Variants in MACROD2 observed in about 807,000 individuals in gnomAD.
MACROD2 encodes ADP-ribose glycohydrolase MACROD2.
In MACROD2, 36 loss-of-function variants were observed where a neutral mutation model predicts 70.4. The observed-to-expected ratio is 0.51, with a 90% confidence interval of 0.39 to 0.68. The LOEUF (loss-of-function observed/expected upper bound fraction) is 0.68, where lower values mean the gene tolerates loss of function less well. MACROD2 is among the 30% of genes least tolerant of loss of function. The pLI, the probability that MACROD2 is intolerant of heterozygous loss-of-function variation, is 0.00. For synonymous variants in MACROD2, 172 were observed against 178.8 expected, an observed-to-expected ratio of 0.96 and a Z score of 0.30; for missense variants, 496 against 538.4, an observed-to-expected ratio of 0.92 and a Z score of 0.78.
At chr20:14,491,602 A>C in intron 3 of MACROD2, among the ~76,000 whole-genome samples, 1 of 152,108 alleles carries the variant, frequency 6.6e-6, no homozygotes, top group East Asian at 1.9e-4. Context: ...TCTTACACCT[A>C]CCCATCCACC....
chr20:15,997,836 T>A (rs1466402903), intron 15 of MACROD2, among the ~76,000 whole-genome samples: 1 of 152,182 alleles, frequency 6.6e-6, no homozygotes, highest in African/African-American at 2.4e-5. Flanking sequence ...TTGTCATATA[T>A]GGCCTTTATT....
chr20:14,661,323 A>G (rs777418038), intron 4 of MACROD2, among the ~76,000 whole-genome samples: 5 of 151,874 alleles, frequency 3.3e-5, no homozygotes, highest in Non-Finnish European at 7.4e-5. Context: ...GTTTTTTCAT[A>G]TGTTTGTTTG....
At position 14,290,945 on chromosome 20, in the gene MACROD2, A is replaced by C. The variant is rs189537688; in HGVS notation, c.272-202534A>C. 1.6e-3 allele frequency among the ~76,000 whole-genome samples: 244 copies of C among 152,366 alleles called. 2 individuals carry two copies. The highest frequency in any genetic ancestry group is 1.1e-3 in the Non-Finnish European group (76 of 68,038). On this transcript the variant is annotated intron_variant, in intron 3 of 17. Coordinates refer to ENST00000684519, the MANE Select transcript of MACROD2 (RefSeq NM_001351661.2). ...TAGTTTGGGAACATAATTTATGACTAAAAGTCTTTCCAAAAAATCAAACAA... is the reference window on the plus strand; with the variant it reads ...TAGTTTGGGAACATAATTTATGACTCAAAGTCTTTCCAAAAAATCAAACAA...
intron 5 of MACROD2, among the ~76,000 whole-genome samples, chr20:15,062,172 A>T (rs969286536): frequency 6.6e-6 from 1 of 152,176 alleles, no homozygotes; most frequent in Non-Finnish European, 1.5e-5. Context: ...GGGAGTGTGC[A>T]TGTTCTCTTA....
At chr20:14,788,824 G>A (rs947680532) in intron 5 of MACROD2, among the ~76,000 whole-genome samples, 1 of 141,822 alleles carries the variant, frequency 7.1e-6, no homozygotes, top group Non-Finnish European at 1.5e-5. Context: ...GCTGGAGTGC[G>A]GTGGTGCGAT....
At chr20:14,527,200 C>T (rs1039879701) in intron 4 of MACROD2, among the ~76,000 whole-genome samples, 3 of 152,182 alleles carry the variant, frequency 2.0e-5, no homozygotes, top group African/African-American at 7.2e-5. Context: ...GTCCAGCCAC[C>T]TGTGTGTTCT....
intron 3 of MACROD2, among the ~76,000 whole-genome samples, chr20:14,403,218 T>G (rs1053370919): frequency 5.9e-5 from 9 of 152,194 alleles, no homozygotes; most frequent in African/African-American, 2.2e-4. Context: ...GCTTATTGAC[T>G]TACTGGCTCA....
At chr20:14,124,664 T>C (rs1249110812) in intron 3 of MACROD2, among the ~76,000 whole-genome samples, 2 of 152,180 alleles carry the variant, frequency 1.3e-5, no homozygotes, top group East Asian at 3.9e-4. Flanking sequence ...GCAGAGGATG[T>C]TGAGAAATTG....
At position 15,967,585 on chromosome 20, in the gene MACROD2, G is replaced by A. The variant is rs150617904; in HGVS notation, c.940G>A (p.Gly314Ser). 1,082 of 1,611,274 alleles carry A rather than the reference G, an allele frequency of 6.7e-4. 6 individuals are homozygous for A. The African/African-American group carries it at 0.013, about 19-fold the overall frequency. Residue 314 changes from glycine (G) to serine (S), a missense_variant, in exon 13 of 18, where the codon GGT becomes AGT. Gly to Ser is a moderately conservative substitution (Grantham distance 56). Transcript: ENST00000684519. Reference protein sequence around the residue: ...FAKDENITKGGEVTDHSVRDQ... With the variant: ...FAKDENITKGSEVTDHSVRDQ... ...AAAGGATGAAAATATTACAAAAGGCGGTGAAGTGACAGATCATTCTGTGCG... is the reference window on the plus strand; with the variant it reads ...AAAGGATGAAAATATTACAAAAGGCAGTGAAGTGACAGATCATTCTGTGCG...
chr20:14,705,969 G>A (rs569981652), intron 5 of MACROD2, among the ~76,000 whole-genome samples: 1 of 149,192 alleles, frequency 6.7e-6, no homozygotes, highest in Non-Finnish European at 1.5e-5. Flanking sequence ...TTTTAATTTT[G>A]TGATATTTTA....
At chr20:15,278,100 C>T (rs2077409316) in intron 6 of MACROD2, among the ~76,000 whole-genome samples, 1 of 152,148 alleles carries the variant, frequency 6.6e-6, no homozygotes, top group African/African-American at 2.4e-5. Context: ...TATTGAAATA[C>T]TGCAGTGATG....
intron 3 of MACROD2, among the ~76,000 whole-genome samples, chr20:14,443,533 G>A (rs2084150080): frequency 6.6e-6 from 1 of 152,006 alleles, no homozygotes; most frequent in African/African-American, 2.4e-5. Flanking sequence ...CCTACCTCAG[G>A]TGATCTGCCC....
chr20:15,586,886 G>C (rs2048610214), intron 8 of MACROD2, among the ~76,000 whole-genome samples: 1 of 151,130 alleles, frequency 6.6e-6, no homozygotes. Flanking sequence ...TTAAAAATTT[G>C]TGAGATCTAC....
At chr20:15,520,372 G>A (rs2047636359) in intron 8 of MACROD2, among the ~76,000 whole-genome samples, 1 of 152,224 alleles carries the variant, frequency 6.6e-6, no homozygotes, top group African/African-American at 2.4e-5. Flanking sequence ...CAACATGGTG[G>A]AACCACACTT....
At chr20:15,993,331 G>A (rs1375766400) in intron 15 of MACROD2, among the ~76,000 whole-genome samples, 1 of 151,036 alleles carries the variant, frequency 6.6e-6, no homozygotes, top group Non-Finnish European at 1.5e-5. Flanking sequence ...TATATGTCCC[G>A]GTGGTCCCAT....
At chr20:16,049,710 T>A (rs1168379456) in intron 17 of MACROD2, 120 bp from the exon 18 acceptor site, 9 of 917,932 alleles carry the variant, frequency 9.8e-6, no homozygotes, top group African/African-American at 1.7e-5. Context: ...AAATAAGATA[T>A]TTCTGGGCCT....
At chr20:14,937,626 A>G (rs1297445610) in intron 5 of MACROD2, among the ~76,000 whole-genome samples, 2 of 152,120 alleles carry the variant, frequency 1.3e-5, no homozygotes, top group Admixed American at 6.5e-5. Flanking sequence ...AGAACAAATC[A>G]GTGTAATTGG....
In MACROD2 at chr20:14,708,205, C is replaced by T. The variant is rs146973869; in HGVS notation, c.418+23246C>T. On this transcript the variant is annotated intron_variant, in intron 5 of 17. Coordinates refer to ENST00000684519, the MANE Select transcript of MACROD2 (RefSeq NM_001351661.2). The stretch of plus-strand genomic sequence containing the variant: ...ATTTCAGTCTCTTTTCTGTTCATTA[C>T]GACATTTAATCTTCCTGATAACCTC... 2.2e-4 allele frequency among the ~76,000 whole-genome samples: 34 copies of T among 152,288 alleles called. No individual in the cohort carries two copies. In the East Asian group the frequency reaches 4.0e-3, roughly 18 times the overall value.
chr20:14,820,722 T>C (rs1176732907), intron 5 of MACROD2, among the ~76,000 whole-genome samples: 1 of 152,092 alleles, frequency 6.6e-6, no homozygotes, highest in Admixed American at 6.6e-5. Context: ...CATTCTTTTT[T>C]TCCCCCCTTT....
Sources: gnomAD v4.1 joint callset for allele counts (sites outside exome capture counted in the v4.1 genomes callset) on GRCh38, gnomAD v4.1.1 for gene constraint, MANE v1.5 for transcripts, NCBI Gene and HGNC (gene_info 2026-07-23, HGNC 2026-07-21) for gene names.